The following WDR5 variants were observed in gnomAD, a reference collection of about 807,000 sequenced individuals.
The protein encoded by WDR5 is WD repeat domain 5, also known as WD repeat-containing protein 5.
For synonymous variants in WDR5, 144 were observed against 161.6 expected (o/e 0.89, Z 0.83); for missense variants, 187 against 416.9 (o/e 0.45, Z 4.80).
intron 7 of WDR5, 82 bp downstream of exon 7, chr9:134,142,801 G>C: frequency 6.9e-7 from 1 of 1,441,170 alleles, no homozygotes. Context: ...CTCCCTGAGG[G>C]GCGTAAGCCT....
chr9:134,144,978 G>A (rs1424913644), intron 7 of WDR5, among the ~76,000 whole-genome samples: 1 of 151,926 alleles, frequency 6.6e-6, no homozygotes, highest in African/African-American at 2.4e-5. Flanking sequence ...TTCCAGGGTA[G>A]CTCACTCCTG....
Position 134,158,415 on chromosome 9 carries a change from C to G in WDR5, c.*422C>G, listed in dbSNP as rs1238914429. The stretch of plus-strand genomic sequence containing the variant: ...CCCGCCAGCTGGCCTCCCCTTTGGC[C>G]CACGCCGGCCGCCCCCATTCTCTGC... On this transcript the variant is annotated 3_prime_UTR_variant, in exon 14 of 14. Transcript: ENST00000358625. 3.7e-5 allele frequency: 6 copies of G among 161,412 alleles called. No individual in the cohort carries two copies. The highest frequency in any genetic ancestry group is 8.1e-5 in the Non-Finnish European group (6 of 74,126). 10.0% of individuals were successfully genotyped at this position (161,412 alleles called of 1,614,324 possible).
intron 12 of WDR5, 30 bp from the exon 13 acceptor site, chr9:134,156,476 G>A: frequency 1.2e-6 from 2 of 1,607,176 alleles, no homozygotes; most frequent in Non-Finnish European, 1.7e-6. Context: ...GCTTTTCCTT[G>A]CCCTGTTTTC....
intron 7 of WDR5, among the ~76,000 whole-genome samples, chr9:134,143,531 C>CT (rs558531986): frequency 0.055 from 7,550 of 137,842 alleles, 234 homozygotes; most frequent in South Asian, 0.075. Flanking sequence ...GAAACTCTGT[C>CT]TTTTTTTTTT....
chr9:134,136,085 C>CCCGCCGCCTGGCGCCCGCCCGAG lies in WDR5; in HGVS notation c.-172_-150dup, dbSNP rs1588164466. 2 of 149,878 alleles carry CCCGCCGCCTGGCGCCCGCCCGAG rather than the reference C, an allele frequency of 1.3e-5. No individual in the cohort carries two copies. Among genetic ancestry groups the CCCGCCGCCTGGCGCCCGCCCGAG allele is most frequent in the East Asian group, 4.0e-4 (2 of 5,040 alleles). The allele number at this position is 149,878 out of a possible 1,614,324, so 9.3% of individuals were successfully genotyped here. The stretch of plus-strand genomic sequence containing the variant: ...TCCCCTCGCGCACGCGCACTGCGCC[C>CCCGCCGCCTGGCGCCCGCCCGAG]CCGCCGCCTGGCGCCCGCCCGAGCT... On this transcript the variant is annotated 5_prime_UTR_variant, in exon 1 of 14. Coordinates refer to ENST00000358625, the MANE Select transcript of WDR5 (RefSeq NM_017588.3).
intron 8 of WDR5, among the ~76,000 whole-genome samples, chr9:134,149,190 T>C (rs917091184): frequency 2.0e-5 from 3 of 152,200 alleles, no homozygotes. Context: ...TCGCCATGCA[T>C]GACCCCCCAT....
intron 5 of WDR5, 131 bp downstream of exon 5, chr9:134,142,169 A>G: frequency 1.2e-5 from 3 of 255,036 alleles, no homozygotes; most frequent in South Asian, 5.7e-5. Flanking sequence ...CTGCAGGGGC[A>G]TGGGGCGGGG....
At chr9:134,153,528 G>C (rs920127710) in intron 9 of WDR5, among the ~76,000 whole-genome samples, 11 of 152,378 alleles carry the variant, frequency 7.2e-5, no homozygotes, top group African/African-American at 2.4e-4. Context: ...GGCCCTCACT[G>C]TGACCTCGGC....
chr9:134,152,121 C>T (rs1832524016), intron 9 of WDR5, 92 bp downstream of exon 9: 2 of 1,470,856 alleles, frequency 1.4e-6, no homozygotes, highest in African/African-American at 1.4e-5. Flanking sequence ...CCTCCTCCCT[C>T]CTCTGCCCTG....
In WDR5 at chr9:134,142,038, G is replaced by A. The variant is rs759295328; in HGVS notation, c.354G>A (p.Ser118=). The stretch of plus-strand genomic sequence containing the variant: ...CCTTGAAGATATGGGACGTGAGCTC[G>A]GTAAGTGACACTCAGTGCTTCTCTC... ...DKTLKIWDVS[S]GKCLKTLKGH... Residue 118 remains serine, a splice_region_variant and synonymous_variant, in exon 5 of 14, where the codon TCG becomes TCA. Coordinates refer to ENST00000358625, the MANE Select transcript of WDR5 (RefSeq NM_017588.3). The A allele has an allele frequency of 4.4e-5, 71 of 1,613,704 alleles. No homozygotes were observed. Among genetic ancestry groups the A allele is most frequent in the Non-Finnish European group, 5.7e-5 (67 of 1,179,842 alleles).
At chr9:134,140,625 G>A in intron 2 of WDR5, 78 bp from the exon 3 acceptor site, 4 of 1,159,836 alleles carry the variant, frequency 3.4e-6, no homozygotes, top group Non-Finnish European at 5.2e-6. Context: ...AAATTAAATG[G>A]TGGGAGTCAA....
intron 7 of WDR5, among the ~76,000 whole-genome samples, chr9:134,144,090 GCCC>G (rs1832042558): frequency 6.6e-6 from 1 of 152,250 alleles, no homozygotes; most frequent in Non-Finnish European, 1.5e-5. Flanking sequence ...GGAAGGCTTT[GCCC>G]GAGTGAGATG....
Position 134,156,494 on chromosome 9 carries a change from G to A in WDR5, c.817-12G>A, listed in dbSNP as rs567188233. The A allele has an allele frequency of 9.9e-6, 16 of 1,613,920 alleles. No individual in the cohort carries two copies. In the East Asian group the frequency reaches 3.6e-4, roughly 36 times the overall value. Reference sequence around the variant, plus strand: ...TTTCCTTGCCCTGTTTTCCCTGCTTGTTGTTACGTAGTGGATTGTGTCTGG... The same window carrying A: ...TTTCCTTGCCCTGTTTTCCCTGCTTATTGTTACGTAGTGGATTGTGTCTGG... On this transcript the variant is annotated splice_polypyrimidine_tract_variant and intron_variant, in intron 12 of 13. Transcript: ENST00000358625.
In WDR5 at chr9:134,141,537, G is replaced by A; in HGVS notation, c.218G>A (p.Gly73Asp). 1 of 1,614,044 alleles carries A rather than the reference G, an allele frequency of 6.2e-7. No homozygotes were observed. Among genetic ancestry groups the A allele is most frequent in the Non-Finnish European group, 8.5e-7 (1 of 1,179,994 alleles). ...GCTGATAAACTTATTAAAATTTGGG[G>A]CGCGTATGATGGGAAATTTGAGAAA... ...SSADKLIKIW[G>D]AYDGKFEKTI... Residue 73 changes from glycine (G) to aspartate (D), a missense_variant, in exon 4 of 14, where the codon GGC becomes GAC. Physicochemically the swap from Gly to Asp is moderately conservative, Grantham distance 94. Coordinates refer to ENST00000358625, the MANE Select transcript of WDR5 (RefSeq NM_017588.3).
intron 4 of WDR5, 33 bp from the exon 5 acceptor site, chr9:134,141,916 G>T (rs1831911574): frequency 6.2e-7 from 1 of 1,603,200 alleles, no homozygotes; most frequent in Non-Finnish European, 8.5e-7. Context: ...ATTTTGTCCT[G>T]TCAAGTTACT....
At chr9:134,148,509 C>T (rs377634412) in intron 8 of WDR5, among the ~76,000 whole-genome samples, 166 bp downstream of exon 8, 6 of 152,032 alleles carry the variant, frequency 3.9e-5, no homozygotes, top group South Asian at 2.1e-4. Context: ...ATAGGCAGTG[C>T]AGTTTCGGGG....
chr9:134,136,695 G>C (rs1831578863), intron 1 of WDR5, among the ~76,000 whole-genome samples: 1 of 152,166 alleles, frequency 6.6e-6, no homozygotes, highest in Admixed American at 6.5e-5. Flanking sequence ...TGGGGTGCGG[G>C]TCCTCGGTCC....
intron 7 of WDR5, among the ~76,000 whole-genome samples, chr9:134,145,733 C>T (rs1482161232): frequency 5.9e-5 from 9 of 152,298 alleles, no homozygotes; most frequent in South Asian, 2.1e-4. Context: ...TAGGGCTCCT[C>T]GGCTGAGGGC....
At chr9:134,146,069 A>G (rs981779807) in intron 7 of WDR5, among the ~76,000 whole-genome samples, 1 of 150,856 alleles carries the variant, frequency 6.6e-6, no homozygotes, top group African/African-American at 2.4e-5. Flanking sequence ...GGTTCACGCC[A>G]TTCTCCTGCC....
Sources: gnomAD v4.1 joint callset for allele counts (sites outside exome capture counted in the v4.1 genomes callset) on GRCh38, gnomAD v4.1.1 for gene constraint, MANE v1.5 for transcripts, NCBI Gene and HGNC (gene_info 2026-07-23, HGNC 2026-07-21) for gene names.